Variants in GSDME observed in about 807,000 individuals in gnomAD.
The protein encoded by GSDME is gasdermin-E.
GSDME carries 44 observed loss-of-function variants against 47.5 expected under a neutral mutation model. The observed-to-expected ratio is 0.93, with a 90% CI of 0.73 to 1.19. The LOEUF is 1.19. Ranked by LOEUF, GSDME falls within the 50% of genes most tolerant of loss-of-function variation. The pLI is 0.00. For missense variants in GSDME, 663 were observed against 604.2 expected (o/e 1.10, Z -1.02); for synonymous variants, 258 against 252.8 (o/e 1.02, Z -0.20).
At chr7:24,784,626 C>CTTTTTT in the GSDME span, among the ~76,000 whole-genome samples, 2 of 124,316 alleles carry the variant, frequency 1.6e-5, no homozygotes, top group African/African-American at 3.1e-5. Context: ...TTTCTTCTTC[C>CTTTTTT]TTTTTTTTTT....
rs561683731 is a variant in GSDME, at chr7:24,708,264, C to T, written c.863-10G>A. 1 of 1,613,936 alleles carries T rather than the reference C, an allele frequency of 6.2e-7. No individual in the cohort carries two copies. The highest frequency in any genetic ancestry group is 8.5e-7 in the Non-Finnish European group (1 of 1,180,032). On this transcript the variant is annotated splice_polypyrimidine_tract_variant and intron_variant, in intron 6 of 9. Coordinates refer to ENST00000645220, the MANE Select transcript of GSDME (RefSeq NM_001127453.2). ...TCCAGGAGCAGGGTCGCTGTGAAAA[C>T]AAAGCACACCCAAGTCTCATGACTG...
chr7:24,760,607 AT>A (rs1231530781), upstream of GSDME, among the ~76,000 whole-genome samples: 1 of 152,238 alleles, frequency 6.6e-6, no homozygotes, highest in Non-Finnish European at 1.5e-5. This position sits in a 1 kb window ranked among gnomAD's most constrained non-coding sequence, Gnocchi z 4.2. Flanking sequence ...TTGCCTTTAA[AT>A]TAAGACTACA....
chr7:24,710,547 CATT>C, intron 5 of GSDME, 159 bp from the exon 6 acceptor site: 1 of 670,260 alleles, frequency 1.5e-6, no homozygotes, highest in Non-Finnish European at 2.6e-6. Flanking sequence ...TCCCTACACA[CATT>C]ATGTTGCTTG....
At chr7:24,772,856 C>A in the GSDME span, among the ~76,000 whole-genome samples, 1 of 152,260 alleles carries the variant, frequency 6.6e-6, no homozygotes, top group Middle Eastern at 3.4e-3. This position sits in a 1 kb window ranked among gnomAD's most constrained non-coding sequence, Gnocchi z 4.5. Flanking sequence ...GCTAATATAT[C>A]TTTTATTTAT....
Position 24,706,116 on chromosome 7 carries a change from A to C in GSDME, c.1183+68T>G, listed in dbSNP as rs1273735976. ...CAGTTACCACCTCTGTGTCCCCAGA[A>C]GCATAGATAGTAGGCAAAGCATTTT... On this transcript the variant is annotated intron_variant, in intron 8 of 9. Transcript: ENST00000645220. 16 of 1,570,782 alleles carry C rather than the reference A, an allele frequency of 1.0e-5. No individual in the cohort carries two copies. The East Asian group carries it at 3.4e-4, about 33-fold the overall frequency.
the GSDME span, among the ~76,000 whole-genome samples, chr7:24,771,295 T>C: frequency 6.6e-6 from 1 of 152,222 alleles, no homozygotes. The surrounding 1 kb of genome is among the most constrained non-coding windows in gnomAD (Gnocchi z 4.1). Context: ...AGTCAGATTA[T>C]TATGAGCTCT....
intron 3 of GSDME, among the ~76,000 whole-genome samples, chr7:24,741,145 G>T (rs1790477698): frequency 1.3e-5 from 2 of 152,134 alleles, no homozygotes; most frequent in African/African-American, 4.8e-5. Flanking sequence ...CTAAGTTATT[G>T]ACCAGGAATA....
intron 3 of GSDME, among the ~76,000 whole-genome samples, chr7:24,737,700 AAAAAG>A (rs1449974461): frequency 6.6e-6 from 1 of 151,974 alleles, no homozygotes; most frequent in African/African-American, 2.4e-5. Context: ...CATCAAAAAA[AAAAAG>A]AAAACTACAA....
rs1790626093 is a variant in GSDME, at chr7:24,745,106, C to T, written c.212-352G>A. Among the ~76,000 whole-genome samples, 1 of 151,948 alleles carries T rather than the reference C, an allele frequency of 6.6e-6. No individual in the cohort carries two copies. Among genetic ancestry groups the T allele is most frequent in the African/African-American group, 2.4e-5 (1 of 41,346 alleles). Reference sequence around the variant, plus strand: ...CTTTTCTCTTTCATTGGTTTTCAATCCCAATACGTATAGAAAGGTGCACAG... The same window carrying T: ...CTTTTCTCTTTCATTGGTTTTCAATTCCAATACGTATAGAAAGGTGCACAG... On this transcript the variant is annotated intron_variant, in intron 2 of 9. Transcript: ENST00000645220. The surrounding 1 kb of genome is among the most constrained non-coding windows in gnomAD (Gnocchi z 4.4).
At chr7:24,718,301 A>AAC (rs1376698951) in intron 4 of GSDME, among the ~76,000 whole-genome samples, 1 of 152,234 alleles carries the variant, frequency 6.6e-6, no homozygotes, top group Non-Finnish European at 1.5e-5. Context: ...CTCTAAGAAA[A>AAC]TATCAGCCAC....
At chr7:24,703,030 C>T (rs879549847) in intron 8 of GSDME, 197 bp from the exon 9 acceptor site, 1 of 529,178 alleles carries the variant, frequency 1.9e-6, no homozygotes, top group Non-Finnish European at 3.6e-6. Context: ...GATGTAGGAA[C>T]CCAGCTGCCA....
At position 24,717,019 on chromosome 7, in the gene GSDME, C is replaced by A. The variant is rs1229842914; in HGVS notation, c.697+235G>T. 2.7e-5 allele frequency: 15 copies of A among 552,214 alleles called. No homozygotes were observed. The Admixed American group carries it at 3.3e-4, about 12-fold the overall frequency. 34.2% of individuals were successfully genotyped at this position (552,214 alleles called of 1,614,324 possible). ...ACTGTGCTGGTGGAACTTTGCCCCA[C>A]ACCAATGTTGGAGGAGAGGGTGGCA... On this transcript the variant is annotated intron_variant, in intron 5 of 9. Coordinates refer to ENST00000645220, the MANE Select transcript of GSDME (RefSeq NM_001127453.2).
chr7:24,747,756 C>A (rs1390853854), intron 2 of GSDME, among the ~76,000 whole-genome samples: 3 of 152,028 alleles, frequency 2.0e-5, no homozygotes, highest in East Asian at 3.9e-4. Flanking sequence ...CAGCCTCAAC[C>A]CCCTGGGTTC....
rs376083312 is a variant in GSDME, at chr7:24,732,600, CAGAG to C, written c.404+11958_404+11961del. Among the ~76,000 whole-genome samples the C allele has an allele frequency of 2.0e-5, 3 of 152,262 alleles. No homozygotes were observed. Among genetic ancestry groups the C allele is most frequent in the African/African-American group, 7.2e-5 (3 of 41,540 alleles). ...CTATCTCTGGGCAGCAGCCATGTGG[CAGAG>C]AGAGAGAAGCCGTGTGCTGTAGGAG... On this transcript the variant is annotated intron_variant, in intron 3 of 9. Transcript: ENST00000645220. This position sits in a 1 kb window ranked among gnomAD's most constrained non-coding sequence, Gnocchi z 4.8.
chr7:24,717,054 G>T (rs1334932209), intron 5 of GSDME, 200 bp downstream of exon 5: 3 of 621,398 alleles, frequency 4.8e-6, no homozygotes, highest in Non-Finnish European at 8.5e-6. Flanking sequence ...ATTGCTCCAG[G>T]CATCCCTCAC....
intron 1 of GSDME, among the ~76,000 whole-genome samples, chr7:24,752,142 G>A (rs912372884): frequency 6.6e-6 from 1 of 152,210 alleles, no homozygotes; most frequent in African/African-American, 2.4e-5. Context: ...GGAGGGATGG[G>A]GAAGACAGTG....
intron 3 of GSDME, among the ~76,000 whole-genome samples, chr7:24,722,876 C>T (rs568216351): frequency 1.9e-3 from 285 of 152,314 alleles, no homozygotes; most frequent in Non-Finnish European, 3.3e-3. Context: ...CTTGCTGAGT[C>T]GCTGCCTTCA....
intron 5 of GSDME, 111 bp from the exon 6 acceptor site, chr7:24,710,499 G>T: frequency 9.8e-7 from 1 of 1,016,240 alleles, no homozygotes; most frequent in Non-Finnish European, 1.5e-6. Flanking sequence ...GTAACTCAGT[G>T]GAGCAGAAGA....
intron 6 of GSDME, among the ~76,000 whole-genome samples, 176 bp downstream of exon 6, chr7:24,710,048 G>A (rs956833260): frequency 1.3e-4 from 20 of 152,118 alleles, no homozygotes; most frequent in East Asian, 1.9e-4. Flanking sequence ...GGCTCCCTAA[G>A]ATCCAACCGA....
Sources: allele counts gnomAD v4.1 joint callset (sites outside exome capture counted in the v4.1 genomes callset), GRCh38; gene constraint gnomAD v4.1.1; non-coding constraint Gnocchi (gnomAD v3.1); transcripts MANE v1.5; gene names NCBI Gene and HGNC (gene_info 2026-07-23, HGNC 2026-07-21).